The following COPB1 variants were observed in gnomAD, a reference collection of about 807,000 sequenced individuals.
COPB1 encodes the protein coatomer subunit beta.
COPB1 carries 21 observed loss-of-function variants against 108.7 expected under a neutral mutation model. The observed-to-expected ratio is 0.19, with a 90% confidence interval of 0.14 to 0.28. The LOEUF (loss-of-function observed/expected upper bound fraction) is 0.28, where lower values mean the gene tolerates loss of function less well. Among genes scored for constraint, COPB1 ranks in the 10% least tolerant of loss-of-function variants. The pLI, the probability that COPB1 is intolerant of heterozygous loss-of-function variation, is 1.00. For missense variants in COPB1, 919 were observed against 1,141.3 expected (o/e 0.81, Z 2.81); for synonymous variants, 378 against 386.8 (o/e 0.98, Z 0.27).
intron 20 of COPB1, among the ~76,000 whole-genome samples, chr11:14,459,851 A>C (rs1330025265): frequency 6.6e-6 from 1 of 152,138 alleles, no homozygotes; most frequent in Non-Finnish European, 1.5e-5. Context: ...TCCTGACCTC[A>C]AGTGATCTGC....
At chr11:14,484,984 T>C (rs1850739365) in intron 7 of COPB1, among the ~76,000 whole-genome samples, 3 of 152,184 alleles carry the variant, frequency 2.0e-5, no homozygotes, top group Non-Finnish European at 1.5e-5. Context: ...TCACTAAAAC[T>C]TAAAATCTAC....
chr11:14,487,933 T>C (rs1199509717), intron 6 of COPB1, among the ~76,000 whole-genome samples: 1 of 152,244 alleles, frequency 6.6e-6, no homozygotes, highest in Non-Finnish European at 1.5e-5. Context: ...TTGTACCTTT[T>C]ATCAGAACAT....
intron 14 of COPB1, 98 bp from the exon 15 acceptor site, chr11:14,469,661 CTGAA>C (rs1850360787): frequency 1.1e-5 from 11 of 1,023,334 alleles, no homozygotes; most frequent in African/African-American, 1.6e-5. Context: ...TTCACTTCAC[CTGAA>C]TAAGATTTCA....
At chr11:14,482,622 C>T (rs1383536587) in intron 8 of COPB1, among the ~76,000 whole-genome samples, 1 of 152,046 alleles carries the variant, frequency 6.6e-6, no homozygotes, top group Non-Finnish European at 1.5e-5. Context: ...GCAACCTCTG[C>T]CTCCTGGGTT....
intron 2 of COPB1, among the ~76,000 whole-genome samples, chr11:14,496,815 G>A (rs888524174): frequency 1.3e-5 from 2 of 152,118 alleles, no homozygotes; most frequent in African/African-American, 4.8e-5. Flanking sequence ...CATAGCTACA[G>A]TAACCAAAAC....
intron 14 of COPB1, among the ~76,000 whole-genome samples, chr11:14,471,223 AAAGAAATG>A (rs1410690754): frequency 6.6e-6 from 1 of 152,234 alleles, no homozygotes; most frequent in Non-Finnish European, 1.5e-5. Context: ...AGTCCTACAC[AAAGAAATG>A]AAGAGTGTTG....
Position 14,490,553 on chromosome 11 carries a change from A to C in COPB1, c.606+12T>G, listed in dbSNP as rs144360682. ...ATACAGTAATAAGAGTATTTTTTAA[A>C]AAGTACCTCACCTGATCTGCATGAA... On this transcript the variant is annotated intron_variant, in intron 5 of 21. Transcript: ENST00000439561. The C allele has an allele frequency of 1.3e-4, 194 of 1,514,460 alleles. 3 individuals carry two copies. In the African/African-American group the frequency reaches 2.4e-3, roughly 18 times the overall value. 93.8% of individuals were successfully genotyped at this position (1,514,460 alleles called of 1,614,324 possible).
At chr11:14,485,001 C>T (rs1188735104) in intron 7 of COPB1, among the ~76,000 whole-genome samples, 1 of 152,086 alleles carries the variant, frequency 6.6e-6, no homozygotes, top group Non-Finnish European at 1.5e-5. Flanking sequence ...CTACATGTAA[C>T]ATTTTTCTTT....
intron 7 of COPB1, among the ~76,000 whole-genome samples, chr11:14,485,624 A>T (rs1850752457): frequency 6.6e-6 from 1 of 152,186 alleles, no homozygotes; most frequent in Non-Finnish European, 1.5e-5. Context: ...AGGTTAGCGG[A>T]TCACTTGAGG....
chr11:14,496,781 A>C (rs1264095437), intron 2 of COPB1, among the ~76,000 whole-genome samples: 1 of 152,188 alleles, frequency 6.6e-6, no homozygotes, highest in South Asian at 2.1e-4. Context: ...AAGGAATCAC[A>C]TTACTTGACA....
At chr11:14,478,115 G>C (rs1850569462) in intron 11 of COPB1, among the ~76,000 whole-genome samples, 1 of 151,988 alleles carries the variant, frequency 6.6e-6, no homozygotes, top group Admixed American at 6.6e-5. Flanking sequence ...GTTCTCTCCA[G>C]AAATCACAAA....
At chr11:14,493,503 C>G (rs1034006465) in intron 4 of COPB1, 139 bp downstream of exon 4, 35 of 634,832 alleles carry the variant, frequency 5.5e-5, no homozygotes, top group Non-Finnish European at 8.0e-5. Flanking sequence ...TTTCAATGTT[C>G]ATAATAAAAA....
chr11:14,494,458 T>TAAA lies in COPB1; in HGVS notation c.92-22_92-20dup, dbSNP rs201780513. 132,163 of 1,282,566 alleles carry TAAA rather than the reference T, an allele frequency of 0.1. 6,430 individuals are homozygous for TAAA. Among genetic ancestry groups the TAAA allele is most frequent in the African/African-American group, 0.2 (13,352 of 66,636 alleles). 79.4% of individuals were successfully genotyped at this position (1,282,566 alleles called of 1,614,324 possible). On this transcript the variant is annotated intron_variant, in intron 2 of 21. Coordinates refer to ENST00000439561, the MANE Select transcript of COPB1 (RefSeq NM_001144061.2). ...CCTTTTTCTGAATCAAAAATTTTTT[T>TAAA]AAAAAAAAGCACAATTATTTCAAAA... is the stretch of plus-strand genomic sequence containing the variant.
chr11:14,487,292 C>A (rs1364849102), intron 6 of COPB1, among the ~76,000 whole-genome samples: 3 of 152,072 alleles, frequency 2.0e-5, no homozygotes, highest in Admixed American at 2.0e-4. Context: ...TTTCCTTTTA[C>A]TATAACATGG....
intron 17 of COPB1, 37 bp from the exon 18 acceptor site, chr11:14,465,067 AC>A (rs772205109): frequency 3.5e-6 from 1 of 281,874 alleles, no homozygotes; most frequent in Middle Eastern, 1.3e-3. Context: ...AAAAATACAC[AC>A]ACACACACAC....
In COPB1 at chr11:14,458,513, A is replaced by G. The variant is rs778657508; in HGVS notation, c.2802+19T>C. 6.3e-7 allele frequency: 1 copy of G among 1,594,866 alleles called. No homozygotes were observed. The highest frequency in any genetic ancestry group is 1.7e-4 in the Middle Eastern group (1 of 5,950). The stretch of plus-strand genomic sequence containing the variant: ...CTTTGTCAGTCCAGAGATACTCTCA[A>G]AAAAAAAGGAACTGTTACCTGGCTC... On this transcript the variant is annotated intron_variant, in intron 21 of 21. Coordinates refer to ENST00000439561, the MANE Select transcript of COPB1 (RefSeq NM_001144061.2).
chr11:14,477,614 G>T (rs911591354), intron 11 of COPB1, among the ~76,000 whole-genome samples: 4 of 150,982 alleles, frequency 2.6e-5, no homozygotes, highest in African/African-American at 9.7e-5. Flanking sequence ...GCTCCTTGAG[G>T]CCGGGCACAG....
intron 21 of COPB1, among the ~76,000 whole-genome samples, chr11:14,458,214 G>A (rs1850070583): frequency 6.6e-6 from 1 of 151,194 alleles, no homozygotes; most frequent in Non-Finnish European, 1.5e-5. Flanking sequence ...CGAGTAGCTG[G>A]GATTACCGGG....
chr11:14,474,693 G>C, intron 13 of COPB1, 78 bp from the exon 14 acceptor site: 1 of 1,570,150 alleles, frequency 6.4e-7, no homozygotes, highest in South Asian at 1.2e-5. Context: ...AATGATATAG[G>C]CCTATTAAAC....
Sources: allele counts gnomAD v4.1 joint callset (sites outside exome capture counted in the v4.1 genomes callset), GRCh38; gene constraint gnomAD v4.1.1; transcripts MANE v1.5; gene names NCBI Gene and HGNC (gene_info 2026-07-23, HGNC 2026-07-21).